Variants in CRB1 observed in about 807,000 individuals in gnomAD.
CRB1 encodes protein crumbs homolog 1.
Under a neutral mutation model 120.0 loss-of-function variants are expected in CRB1, and 83 were observed. The observed-to-expected ratio is 0.69, with a 90% CI of 0.58 to 0.83. CRB1 has a LOEUF of 0.83. Among genes scored for constraint, CRB1 ranks in the 40% least tolerant of loss-of-function variants. CRB1 has a pLI of 0.00. For synonymous variants in CRB1, 625 were observed against 612.5 expected (o/e 1.02, Z -0.30); for missense variants, 1,699 against 1,687.6 (o/e 1.01, Z -0.12).
At chr1:197,467,403 TAAGA>T (rs1666796888) in intron 11 of CRB1, among the ~76,000 whole-genome samples, 1 of 152,120 alleles carries the variant, frequency 6.6e-6, no homozygotes, top group Non-Finnish European at 1.5e-5. Context: ...TAGTATCTCT[TAAGA>T]AAGAAGGCTT....
chr1:197,417,764 T>A (rs1394357715), intron 5 of CRB1, among the ~76,000 whole-genome samples: 3 of 152,160 alleles, frequency 2.0e-5, no homozygotes, highest in African/African-American at 7.2e-5. Flanking sequence ...CTGTGCCCCC[T>A]TCCCCCTTTT....
intron 9 of CRB1, among the ~76,000 whole-genome samples, chr1:197,437,716 C>G (rs900738188): frequency 6.6e-6 from 1 of 152,102 alleles, no homozygotes; most frequent in Non-Finnish European, 1.5e-5. Context: ...ATAAGCTAGT[C>G]TATCCACATT....
At chr1:197,427,314 T>G (rs1434537784) in intron 6 of CRB1, 140 bp from the exon 7 acceptor site, 1 of 686,514 alleles carries the variant, frequency 1.5e-6, no homozygotes, top group African/African-American at 1.8e-5. Flanking sequence ...GTCCTGAACT[T>G]TAAAAGCTAT....
intron 5 of CRB1, among the ~76,000 whole-genome samples, chr1:197,409,732 A>T (rs1226009865): frequency 3.9e-5 from 6 of 152,188 alleles, no homozygotes; most frequent in African/African-American, 1.2e-4. Context: ...GGCCACATAA[A>T]TAAAGCACTT....
At chr1:197,240,798 C>A in the CRB1 span, among the ~76,000 whole-genome samples, 1 of 152,172 alleles carries the variant, frequency 6.6e-6, no homozygotes, top group Non-Finnish European at 1.5e-5. Context: ...ACATTGTCTT[C>A]CACAATGGTT....
At chr1:197,233,914 A>G in the CRB1 span, among the ~76,000 whole-genome samples, 6 of 152,196 alleles carry the variant, frequency 3.9e-5, no homozygotes, top group Non-Finnish European at 8.8e-5. Context: ...AGAGACATTT[A>G]TCAGTCCTAC....
rs566067145 is a variant in CRB1 at position 197,381,593 on chromosome 1, C to T, written c.1171+24580C>T. Among the ~76,000 whole-genome samples, 3 of 152,246 alleles carry T rather than the reference C, an allele frequency of 2.0e-5. No individual in the cohort carries two copies. In the East Asian group the frequency reaches 5.8e-4, roughly 29 times the overall value. On this transcript the variant is annotated intron_variant, in intron 5 of 11. Coordinates refer to ENST00000367400, the MANE Select transcript of CRB1 (RefSeq NM_201253.3). ...ACTTTTGTTCTTTGTAGTAAATTCTCTCACTATAATACACATAGTTTGGTC... is the reference window on the plus strand; with the variant it reads ...ACTTTTGTTCTTTGTAGTAAATTCTTTCACTATAATACACATAGTTTGGTC...
intron 2 of CRB1, among the ~76,000 whole-genome samples, chr1:197,330,511 A>G (rs559309752): frequency 1.3e-5 from 2 of 152,164 alleles, no homozygotes; most frequent in Admixed American, 6.5e-5. Flanking sequence ...GAAGCCTTCT[A>G]TTTCCTCTAA....
intron 11 of CRB1, among the ~76,000 whole-genome samples, chr1:197,464,493 C>CA (rs2125553194): frequency 6.6e-6 from 1 of 151,502 alleles, no homozygotes; most frequent in East Asian, 1.9e-4. Flanking sequence ...TTTAAAGGGG[C>CA]AGTGGGAGTG....
intron 4 of CRB1, among the ~76,000 whole-genome samples, chr1:197,355,282 T>A (rs961128916): frequency 6.6e-6 from 1 of 152,270 alleles, no homozygotes; most frequent in East Asian, 1.9e-4. Context: ...GCATCCACAA[T>A]CCCTTAGCTA....
intron 1 of CRB1, among the ~76,000 whole-genome samples, chr1:197,316,278 G>A (rs1177069654): frequency 1.3e-5 from 2 of 151,830 alleles, no homozygotes; most frequent in African/African-American, 4.8e-5. Context: ...TCCGCCTCCC[G>A]GGTTCACACC....
chr1:197,367,146 T>C (rs1276970533), intron 5 of CRB1, among the ~76,000 whole-genome samples: 1 of 152,198 alleles, frequency 6.6e-6, no homozygotes, highest in African/African-American at 2.4e-5. Context: ...AGTCAGTAAA[T>C]TATCTTTATT....
At chr1:197,429,639 C>T (rs1291086393) in intron 8 of CRB1, 25 bp downstream of exon 8, 1 of 1,611,610 alleles carries the variant, frequency 6.2e-7, no homozygotes, top group Non-Finnish European at 8.5e-7. Flanking sequence ...AACCTACCAT[C>T]TCACCAGTTA....
chr1:197,462,276 C>T (rs1666565429), intron 11 of CRB1, among the ~76,000 whole-genome samples: 1 of 152,042 alleles, frequency 6.6e-6, no homozygotes, highest in South Asian at 2.1e-4. Flanking sequence ...TGAATTCAGG[C>T]ACCATAAATA....
At chr1:197,405,911 T>G (rs1329223427) in intron 5 of CRB1, among the ~76,000 whole-genome samples, 2 of 148,968 alleles carry the variant, frequency 1.3e-5, no homozygotes, top group African/African-American at 2.5e-5. Flanking sequence ...GAGGTGGGGG[T>G]CAGCCCCCGC....
At chr1:197,270,358 G>T (rs1309874110) in intron 1 of CRB1, among the ~76,000 whole-genome samples, 1 of 152,140 alleles carries the variant, frequency 6.6e-6, no homozygotes, top group Non-Finnish European at 1.5e-5. Flanking sequence ...AAACTTTGAG[G>T]CACCTCAGGG....
At chr1:197,305,170 A>G (rs1246377842) in intron 1 of CRB1, among the ~76,000 whole-genome samples, 1 of 152,076 alleles carries the variant, frequency 6.6e-6, no homozygotes, top group Non-Finnish European at 1.5e-5. Context: ...GTTACTGGGG[A>G]ACTTGGTGTG....
intron 2 of CRB1, among the ~76,000 whole-genome samples, chr1:197,336,091 G>A (rs1009821647): frequency 6.6e-6 from 1 of 152,168 alleles, no homozygotes; most frequent in Non-Finnish European, 1.5e-5. Flanking sequence ...TTACATGATG[G>A]TTACTCATTT....
At position 197,427,948 on chromosome 1, in the gene CRB1, A is replaced by G. The variant is rs1664682289; in HGVS notation, c.2623A>G (p.Asn875Asp). Reference protein sequence around the residue: ...FPNPTNNASLNPVLVNVTQGC... With the variant: ...FPNPTNNASLDPVLVNVTQGC... Reference sequence around the variant, plus strand: ...AAATCCAACAAACAATGCATCTCTCAATCCAGTTCTTGTCAATGTAACCCA... The same window carrying G: ...AAATCCAACAAACAATGCATCTCTCGATCCAGTTCTTGTCAATGTAACCCA... Residue 875 changes from asparagine (N) to aspartate (D), a missense_variant, in exon 7 of 12, where the codon AAT becomes GAT. Transcript: ENST00000367400. The G allele has an allele frequency of 1.2e-6, 2 of 1,614,048 alleles. No individual in the cohort carries two copies. The highest frequency in any genetic ancestry group is 1.3e-5 in the African/African-American group (1 of 75,046).
Sources: allele counts gnomAD v4.1 joint callset (sites outside exome capture counted in the v4.1 genomes callset), GRCh38; gene constraint gnomAD v4.1.1; transcripts MANE v1.5; gene names NCBI Gene and HGNC (gene_info 2026-07-23, HGNC 2026-07-21).